TRAK2: variants seen among roughly 807,000 people sequenced by gnomAD.
TRAK2 encodes the protein trafficking kinesin protein 2.
In TRAK2, 81 loss-of-function variants were observed where a neutral mutation model predicts 104.6. The observed-to-expected ratio is 0.77, with a 90% CI of 0.65 to 0.93. The LOEUF is 0.93. TRAK2 is among the 40% of genes least tolerant of loss of function. The probability of loss-of-function intolerance (pLI) is 0.00; values close to 1 mark genes in which losing one functional copy is unlikely to be tolerated. For missense variants in TRAK2, 1,002 were observed against 1,089.0 expected (o/e 0.92, Z 1.12); for synonymous variants, 406 against 394.4 (o/e 1.03, Z -0.35).
chr2:201,412,101 ATG>A, intron 2 of TRAK2: 2 of 1,085,548 alleles, frequency 1.8e-6, no homozygotes, highest in Non-Finnish European at 2.9e-6. Flanking sequence ...GGTGGAATTA[ATG>A]TGACATATTC....
At chr2:201,415,063 T>A (rs1951680250) in intron 2 of TRAK2, among the ~76,000 whole-genome samples, 1 of 149,608 alleles carries the variant, frequency 6.7e-6, no homozygotes, top group Admixed American at 6.7e-5. Flanking sequence ...GCTTGACAAC[T>A]CCTTCTCTAC....
chr2:201,425,840 A>C (rs761420742), intron 1 of TRAK2, among the ~76,000 whole-genome samples: 58 of 152,192 alleles, frequency 3.8e-4, no homozygotes, highest in Non-Finnish European at 4.4e-4. Context: ...GTCCACACTG[A>C]TTCTCAAACA....
At chr2:201,443,655 C>T (rs1951942512) in intron 1 of TRAK2, among the ~76,000 whole-genome samples, 1 of 152,102 alleles carries the variant, frequency 6.6e-6, no homozygotes, top group Non-Finnish European at 1.5e-5. Flanking sequence ...TACTAGATTC[C>T]TCCATCCCTC....
intron 3 of TRAK2, among the ~76,000 whole-genome samples, chr2:201,407,201 T>C (rs1576518452): frequency 6.6e-6 from 1 of 152,314 alleles, no homozygotes; most frequent in East Asian, 1.9e-4. Flanking sequence ...TTTGCAACAC[T>C]AGACACTGAG....
chr2:201,449,480 CTTTTTTTT>C (rs3083385), intron 1 of TRAK2, among the ~76,000 whole-genome samples: 4 of 98,094 alleles, frequency 4.1e-5, no homozygotes, highest in South Asian at 3.5e-4. Flanking sequence ...AATGTTGGTT[CTTTTTTTT>C]TTTTTTTTTT....
intron 2 of TRAK2, among the ~76,000 whole-genome samples, chr2:201,416,113 C>T (rs1248193741): frequency 6.6e-6 from 1 of 150,976 alleles, no homozygotes; most frequent in South Asian, 2.1e-4. Flanking sequence ...ATAGGCCAGG[C>T]GTGGTAGCTC....
At chr2:201,395,550 C>A in intron 7 of TRAK2, 106 bp from the exon 8 acceptor site, 2 of 1,127,028 alleles carry the variant, frequency 1.8e-6, no homozygotes, top group Admixed American at 3.1e-5. Flanking sequence ...ACTGGACTGT[C>A]GTGAATAGAT....
In TRAK2 at chr2:201,390,491, G is replaced by C. The variant is rs1011954771; in HGVS notation, c.1114-611C>G. Reference sequence around the variant, plus strand: ...AGGCAGGAGAATGACGTGAACCCGGGAGGCAGAGCTTTCAGTGAGCTGAGA... The same window carrying C: ...AGGCAGGAGAATGACGTGAACCCGGCAGGCAGAGCTTTCAGTGAGCTGAGA... On this transcript the variant is annotated intron_variant, in intron 10 of 15. Coordinates refer to ENST00000332624, the MANE Select transcript of TRAK2 (RefSeq NM_015049.3). 2.0e-4 allele frequency among the ~76,000 whole-genome samples: 29 copies of C among 148,360 alleles called. 1 individual carries two copies. The highest frequency in any genetic ancestry group is 7.2e-4 in the African/African-American group (29 of 40,430).
At chr2:201,427,322 C>G (rs191167215) in intron 1 of TRAK2, among the ~76,000 whole-genome samples, 2 of 139,444 alleles carry the variant, frequency 1.4e-5, no homozygotes, top group East Asian at 2.4e-4. Context: ...ATCCCTCCCC[C>G]CTCCCCGCAC....
At chr2:201,411,735 G>A (rs747248432) in intron 2 of TRAK2, 2 of 780,858 alleles carry the variant, frequency 2.6e-6, no homozygotes, top group Non-Finnish European at 4.7e-6. Context: ...TTGTAAGAAG[G>A]GTAGGATACC....
At position 201,386,262 on chromosome 2, in the gene TRAK2, C is replaced by T. The variant is rs1174507025; in HGVS notation, c.1919G>A (p.Gly640Glu). The change falls in exon 14 of 16, where the codon GGG (glycine) becomes GAG (glutamate). Residue 640 changes from glycine to glutamate, a missense_variant. Transcript: ENST00000332624. ...TGAAGTAATGGGTGGCAGGAAGATC[C>T]CTGTTACTGGCTTGGATGTTGAAAG... The part of the protein sequence containing the change: ...EKLSTSKPVT[G>E]IFLPPITSAG... 6.2e-7 allele frequency: 1 copy of T among 1,613,970 alleles called. No individual in the cohort carries two copies. The highest frequency in any genetic ancestry group is 1.3e-5 in the African/African-American group (1 of 74,898).
chr2:201,410,781 A>G (rs1365547489), intron 2 of TRAK2: 1 of 1,605,028 alleles, frequency 6.2e-7, no homozygotes, highest in African/African-American at 1.3e-5. Context: ...GGTTCATGCT[A>G]ACTTTGGGTT....
intron 1 of TRAK2, among the ~76,000 whole-genome samples, chr2:201,434,050 C>T (rs1190913441): frequency 1.3e-5 from 2 of 152,112 alleles, no homozygotes; most frequent in Non-Finnish European, 2.9e-5. Context: ...CTCCGCCTCC[C>T]GGGTTCACGC....
intron 8 of TRAK2, 110 bp downstream of exon 8, chr2:201,395,203 TA>T: frequency 1.1e-6 from 1 of 927,748 alleles, no homozygotes. Flanking sequence ...TAGGGCATTT[TA>T]AAAGGGCAGG....
intron 2 of TRAK2, chr2:201,410,992 T>A (rs1379139939): frequency 4.8e-6 from 7 of 1,471,536 alleles, no homozygotes; most frequent in African/African-American, 1.4e-5. Flanking sequence ...AATCCTGAAG[T>A]CTGAAAGCCC....
At chr2:201,411,998 G>A (rs572530727) in intron 2 of TRAK2, 1 of 978,772 alleles carries the variant, frequency 1.0e-6, no homozygotes, top group South Asian at 1.3e-5. Context: ...TATCTCATTG[G>A]GAGGGGTTTT....
chr2:201,437,015 T>C (rs995227874), intron 1 of TRAK2, among the ~76,000 whole-genome samples: 20 of 152,230 alleles, frequency 1.3e-4, no homozygotes, highest in Non-Finnish European at 2.8e-4. Context: ...TTACAGTATG[T>C]TTAGACATAA....
intron 6 of TRAK2, 70 bp downstream of exon 6, chr2:201,398,075 C>T: frequency 7.0e-7 from 1 of 1,432,664 alleles, no homozygotes; most frequent in African/African-American, 1.4e-5. Context: ...CATATTTCAC[C>T]TCAATAGTAC....
chr2:201,417,094 T>C (rs541301491), intron 2 of TRAK2, among the ~76,000 whole-genome samples: 90 of 134,122 alleles, frequency 6.7e-4, no homozygotes, highest in African/African-American at 2.3e-3. Context: ...AATGTAAAGA[T>C]TCAGATGAGT....
Sources: gnomAD v4.1 joint callset for allele counts (sites outside exome capture counted in the v4.1 genomes callset) on GRCh38, gnomAD v4.1.1 for gene constraint, MANE v1.5 for transcripts, NCBI Gene and HGNC (gene_info 2026-07-23, HGNC 2026-07-21) for gene names.